Variants in DGKZ observed in about 807,000 individuals in gnomAD.
DGKZ encodes diacylglycerol kinase zeta.
DGKZ carries 45 observed loss-of-function variants against 142.5 expected under a neutral mutation model. The observed-to-expected ratio is 0.32, with a 90% CI of 0.25 to 0.40. The LOEUF is 0.40. DGKZ is among the 10% of genes least tolerant of loss of function. The probability of loss-of-function intolerance (pLI) is 1.00; values close to 1 mark genes in which losing one functional copy is unlikely to be tolerated. For synonymous variants in DGKZ, 442 were observed against 527.0 expected, an observed-to-expected ratio of 0.84 and a Z score of 2.21; for missense variants, 755 against 1,306.5, an observed-to-expected ratio of 0.58 and a Z score of 6.51.
At chr11:46,335,995 C>T (rs1245371903) in intron 1 of DGKZ, among the ~76,000 whole-genome samples, 1 of 152,336 alleles carries the variant, frequency 6.6e-6, no homozygotes, top group South Asian at 2.1e-4. Context: ...GGCAGCTAAA[C>T]CTCCTACCCT....
chr11:46,371,266 G>C (rs759399120), intron 6 of DGKZ, 47 bp from the exon 7 acceptor site: 2 of 1,582,392 alleles, frequency 1.3e-6, no homozygotes, highest in Admixed American at 1.7e-5. Flanking sequence ...GGCTGGGTCT[G>C]CTGCTCCACG....
At chr11:46,366,432 G>C in intron 1 of DGKZ, 1 of 1,545,132 alleles carries the variant, frequency 6.5e-7, no homozygotes, top group East Asian at 2.4e-5. Flanking sequence ...CTCCAGGGCT[G>C]CCTCCTGAGT....
chr11:46,374,528 G>C (rs1250332370), intron 16 of DGKZ, 74 bp downstream of exon 16: 13 of 1,612,236 alleles, frequency 8.1e-6, no homozygotes, highest in Non-Finnish European at 1.1e-5. Context: ...GTGTCCACCA[G>C]GCCCCAGGAG....
chr11:46,376,741 G>C, intron 24 of DGKZ, 177 bp downstream of exon 24: 1 of 892,932 alleles, frequency 1.1e-6, no homozygotes, highest in Non-Finnish European at 1.7e-6. Context: ...CCACACTGGA[G>C]AGTATAGGGC....
At chr11:46,366,824 C>T (rs1283618988) in intron 1 of DGKZ, 1 of 1,545,026 alleles carries the variant, frequency 6.5e-7, no homozygotes, top group Non-Finnish European at 8.7e-7. Context: ...CCTCAGCCAG[C>T]GGCGGCCCTC....
intron 1 of DGKZ, among the ~76,000 whole-genome samples, chr11:46,339,993 AAAG>A (rs1280459811): frequency 6.6e-6 from 1 of 152,240 alleles, no homozygotes; most frequent in Non-Finnish European, 1.5e-5. Flanking sequence ...GATGCCTGGA[AAAG>A]GCTAATCAGA....
chr11:46,374,550 G>A, intron 16 of DGKZ, 54 bp from the exon 17 acceptor site: 1 of 1,608,000 alleles, frequency 6.2e-7, no homozygotes, highest in Non-Finnish European at 8.5e-7. Context: ...CCTGCCGGGT[G>A]CTGGTGAGGA....
intron 26 of DGKZ, 102 bp from the exon 27 acceptor site, chr11:46,378,355 A>G: frequency 6.5e-7 from 1 of 1,541,858 alleles, no homozygotes; most frequent in Non-Finnish European, 8.8e-7. Flanking sequence ...GCACCAACGG[A>G]GCCCTGGGCA....
intron 1 of DGKZ, among the ~76,000 whole-genome samples, chr11:46,355,463 C>T (rs1472305138): frequency 3.9e-5 from 6 of 152,274 alleles, no homozygotes; most frequent in Admixed American, 3.3e-4. Context: ...GGAACAAACA[C>T]TTTCTCCTTC....
intron 1 of DGKZ, chr11:46,364,415 G>T: frequency 1.6e-6 from 2 of 1,288,570 alleles, no homozygotes; most frequent in Non-Finnish European, 2.0e-6. Context: ...GGGAGACCCA[G>T]CGCTCTCCAC....
At chr11:46,345,194 A>G (rs914479841), upstream of DGKZ, 2 of 1,216,972 alleles carry the variant, frequency 1.6e-6, no homozygotes, top group African/African-American at 3.2e-5. This position sits in a 1 kb window ranked among gnomAD's most constrained non-coding sequence, Gnocchi z 4.1. Context: ...AGCAAGCCCC[A>G]TGGCTGCCTC....
At chr11:46,374,075 G>A in intron 14 of DGKZ, 82 bp from the exon 15 acceptor site, 2 of 1,483,460 alleles carry the variant, frequency 1.3e-6, no homozygotes, top group Non-Finnish European at 1.9e-6. Flanking sequence ...GATGGGCTGA[G>A]CTGGCTCGGC....
upstream of DGKZ, among the ~76,000 whole-genome samples, chr11:46,343,015 T>G (rs1357652020): frequency 2.0e-5 from 3 of 151,964 alleles, no homozygotes; most frequent in African/African-American, 7.3e-5. Context: ...TCCAAGCTAC[T>G]CTGGGGGTTG....
chr11:46,337,488 G>A (rs1170795405), intron 1 of DGKZ, among the ~76,000 whole-genome samples: 1 of 151,794 alleles, frequency 6.6e-6, no homozygotes, highest in Admixed American at 6.6e-5. Context: ...TAGAGACGGG[G>A]TTTCGCCATG....
intron 1 of DGKZ, chr11:46,338,584 G>A (rs1940128479): frequency 6.7e-6 from 1 of 149,086 alleles, no homozygotes; most frequent in East Asian, 2.0e-4. Flanking sequence ...CCCCGATCCA[G>A]TAGATGGGAC....
At chr11:46,334,142 C>T (rs1163766301) in intron 1 of DGKZ, among the ~76,000 whole-genome samples, 4 of 151,100 alleles carry the variant, frequency 2.6e-5, no homozygotes, top group Admixed American at 2.0e-4. Flanking sequence ...CTGGAGTGGG[C>T]CCCAGAGGTC....
chr11:46,366,462 G>A, intron 1 of DGKZ: 2 of 1,561,254 alleles, frequency 1.3e-6, no homozygotes, highest in Non-Finnish European at 1.7e-6. Flanking sequence ...AGGGCCCAGG[G>A]TTCCAGCCGC....
chr11:46,356,755 C>T (rs1052848375), intron 1 of DGKZ, among the ~76,000 whole-genome samples: 1 of 152,180 alleles, frequency 6.6e-6, no homozygotes, highest in Non-Finnish European at 1.5e-5. Context: ...GTTAGCTGGA[C>T]GACTTCAGGC....
At chr11:46,376,218 C>T in intron 22 of DGKZ, 73 bp downstream of exon 22, 1 of 1,606,768 alleles carries the variant, frequency 6.2e-7, no homozygotes, top group Non-Finnish European at 8.5e-7. Flanking sequence ...CTTCCTCCCG[C>T]AGCCAGCTCG....
Sources: gnomAD v4.1 joint callset for allele counts (sites outside exome capture counted in the v4.1 genomes callset) on GRCh38, gnomAD v4.1.1 for gene constraint, Gnocchi (gnomAD v3.1) non-coding constraint, MANE v1.5 for transcripts, NCBI Gene and HGNC (gene_info 2026-07-23, HGNC 2026-07-21) for gene names.